PIK3R6: variants seen among roughly 807,000 people sequenced by gnomAD.
The protein encoded by PIK3R6 is phosphoinositide 3-kinase regulatory subunit 6.
Under a neutral mutation model 84.9 loss-of-function variants are expected in PIK3R6, and 91 were observed. That is an observed-to-expected ratio of 1.07 (90% CI 0.90 to 1.28). The LOEUF is 1.28. PIK3R6 is among the 50% of genes most tolerant of loss of function. The probability of loss-of-function intolerance (pLI) is 0.00; values close to 1 mark genes in which losing one functional copy is unlikely to be tolerated. For synonymous variants in PIK3R6, 416 were observed against 411.4 expected (o/e 1.01, Z -0.13); for missense variants, 996 against 985.1 (o/e 1.01, Z -0.15).
chr17:8,864,789 G>A (rs1265987482), intron 1 of PIK3R6, among the ~76,000 whole-genome samples: 1 of 151,874 alleles, frequency 6.6e-6, no homozygotes. Flanking sequence ...CACCCACCTC[G>A]GCCTCCCAAA....
chr17:8,825,330 A>G (rs949131812), intron 13 of PIK3R6, among the ~76,000 whole-genome samples: 2 of 152,218 alleles, frequency 1.3e-5, no homozygotes, highest in African/African-American at 2.4e-5. Context: ...GAAATTCTAA[A>G]GTTTATCAGG....
chr17:8,807,495 G>C (rs1018637929), intron 18 of PIK3R6, among the ~76,000 whole-genome samples: 2 of 152,176 alleles, frequency 1.3e-5, no homozygotes, highest in Admixed American at 1.3e-4. Flanking sequence ...AGGGGAGGAG[G>C]GTGGAGGATG....
chr17:8,855,504 A>G (rs978982105), intron 1 of PIK3R6, among the ~76,000 whole-genome samples: 1 of 152,234 alleles, frequency 6.6e-6, no homozygotes, highest in Non-Finnish European at 1.5e-5. Context: ...GATGAAAACC[A>G]TGAGATCTCA....
At chr17:8,840,391 T>C (rs549993418) in intron 2 of PIK3R6, among the ~76,000 whole-genome samples, 371 of 135,370 alleles carry the variant, frequency 2.7e-3, no homozygotes, top group African/African-American at 0.01. Flanking sequence ...CCTCCAAATA[T>C]GTATATGAAA....
In PIK3R6 at chr17:8,837,035, T is replaced by C. The variant is rs552271312; in HGVS notation, c.259-112A>G. 7.2e-5 allele frequency: 58 copies of C among 808,436 alleles called. 1 individual carries two copies. The highest frequency in any genetic ancestry group is 1.2e-4 in the Non-Finnish European group (58 of 501,812). 50.1% of individuals were successfully genotyped at this position (808,436 alleles called of 1,614,324 possible). On this transcript the variant is annotated intron_variant, in intron 5 of 19. Coordinates refer to ENST00000619866, the MANE Select transcript of PIK3R6 (RefSeq NM_001010855.4). ...CCGGGGAGGGGCTTGGGAGAAGAGG[T>C]GGAAGGTCAGGCCTAACAGCCAGAC...
chr17:8,803,999 C>T lies in PIK3R6; in HGVS notation c.2108+42G>A. ...GAGCTGGCTCCTGCTTCAGTTTGTC[C>T]CACGGGCCCTGGACATCTAGGGTTG... On this transcript the variant is annotated intron_variant, in intron 19 of 19. Transcript: ENST00000619866. The surrounding 1 kb of genome is among the most constrained non-coding windows in gnomAD (Gnocchi z 5.0). 6.5e-7 allele frequency: 1 copy of T among 1,542,242 alleles called. No individual in the cohort carries two copies. The highest frequency in any genetic ancestry group is 1.4e-5 in the African/African-American group (1 of 73,512).
rs1173487252 is a variant in PIK3R6, at chr17:8,850,120, A to G, written c.-91-235T>C. On this transcript the variant is annotated intron_variant, in intron 1 of 19. Coordinates refer to ENST00000619866, the MANE Select transcript of PIK3R6 (RefSeq NM_001010855.4). ...GGAGTTCGAGACCAGCCCAACAAACATGGTGAAACCCCGTCTCTACTAAAA... is the reference window on the plus strand; with the variant it reads ...GGAGTTCGAGACCAGCCCAACAAACGTGGTGAAACCCCGTCTCTACTAAAA... Among the ~76,000 whole-genome samples, 5 of 152,222 alleles carry G rather than the reference A, an allele frequency of 3.3e-5. No individual in the cohort carries two copies. In the South Asian group the frequency reaches 1.0e-3, roughly 32 times the overall value.
In PIK3R6 at chr17:8,862,734, C is replaced by G. The variant is rs770152556; in HGVS notation, c.-92+4795G>C. Among the ~76,000 whole-genome samples, 1 of 152,152 alleles carries G rather than the reference C, an allele frequency of 6.6e-6. No homozygotes were observed. The highest frequency in any genetic ancestry group is 1.5e-5 in the Non-Finnish European group (1 of 68,028). On this transcript the variant is annotated intron_variant, in intron 1 of 19. Transcript: ENST00000619866. The surrounding 1 kb of genome is among the most constrained non-coding windows in gnomAD (Gnocchi z 4.3). ...ATCTAAAAATTCCTCTCCCTCCCCC[C>G]GTAGCGCAAGAATACGACATTACAG...
intron 9 of PIK3R6, among the ~76,000 whole-genome samples, chr17:8,830,812 C>T (rs937878388): frequency 3.3e-5 from 5 of 152,194 alleles, no homozygotes; most frequent in Admixed American, 6.5e-5. Context: ...CCCCTACAGC[C>T]ACAGGGGCTT....
At chr17:8,808,856 A>G (rs771905840) in intron 18 of PIK3R6, among the ~76,000 whole-genome samples, 21 of 152,198 alleles carry the variant, frequency 1.4e-4, no homozygotes, top group Non-Finnish European at 2.8e-4. Context: ...ATGTAGAAGA[A>G]AGTCTATAAG....
intron 18 of PIK3R6, among the ~76,000 whole-genome samples, chr17:8,814,213 A>ATTTTTTTT (rs528042541): frequency 7.9e-5 from 6 of 76,400 alleles, no homozygotes; most frequent in African/African-American, 2.6e-4. Context: ...TCAGAGAGAG[A>ATTTTTTTT]TCTTTTTTTT....
chr17:8,831,244 C>T (rs926153556), intron 9 of PIK3R6, among the ~76,000 whole-genome samples: 6 of 132,934 alleles, frequency 4.5e-5, no homozygotes, highest in Admixed American at 1.7e-4. Flanking sequence ...GTGGGAGGAT[C>T]GCTTAAGCCC....
At chr17:8,810,353 A>G (rs541611887) in intron 18 of PIK3R6, among the ~76,000 whole-genome samples, 13 of 147,914 alleles carry the variant, frequency 8.8e-5, no homozygotes, top group Non-Finnish European at 1.6e-4. Flanking sequence ...GGAATGCAAG[A>G]TCAGATTTGG....
At position 8,849,897 on chromosome 17, in the gene PIK3R6, G is replaced by A; in HGVS notation, c.-91-12C>T. On this transcript the variant is annotated splice_polypyrimidine_tract_variant and intron_variant, in intron 1 of 19. Transcript: ENST00000619866. The stretch of plus-strand genomic sequence containing the variant: ...GCACAGAGGTGGTTCTGCAAAATAA[G>A]AGGTAGTTAATTAGTGGAAGCAGTG... 1 of 1,472,880 alleles carries A rather than the reference G, an allele frequency of 6.8e-7. No homozygotes were observed. 91.2% of individuals were successfully genotyped at this position (1,472,880 alleles called of 1,614,324 possible).
chr17:8,805,634 G>C (rs890545482), intron 18 of PIK3R6, among the ~76,000 whole-genome samples: 2 of 152,012 alleles, frequency 1.3e-5, no homozygotes, highest in Non-Finnish European at 2.9e-5. Flanking sequence ...GTGGCACCTT[G>C]GCCGGGCGCG....
intron 13 of PIK3R6, among the ~76,000 whole-genome samples, chr17:8,825,025 C>T (rs1277291938): frequency 6.6e-6 from 1 of 152,106 alleles, no homozygotes; most frequent in Admixed American, 6.6e-5. Flanking sequence ...GTGTATAAGT[C>T]AATAGCTTTC....
chr17:8,853,743 C>G (rs1399846336), intron 1 of PIK3R6, among the ~76,000 whole-genome samples: 1 of 151,820 alleles, frequency 6.6e-6, no homozygotes, highest in Non-Finnish European at 1.5e-5. Flanking sequence ...GGGGGCAGGT[C>G]ACGAGGCCAG....
chr17:8,826,840 A>C (rs1293086816), intron 13 of PIK3R6, among the ~76,000 whole-genome samples: 1 of 152,168 alleles, frequency 6.6e-6, no homozygotes, highest in Non-Finnish European at 1.5e-5. Flanking sequence ...GATCACAGGA[A>C]GCTCACACAA....
rs1473082695 is a variant in PIK3R6 at position 8,825,661 on chromosome 17, AAT to A, written c.1515+1509_1515+1510del. On this transcript the variant is annotated intron_variant, in intron 13 of 19. Transcript: ENST00000619866. ...CTAGCTCAACATTTGGAAAAAATAA[AAT>A]GACATACTTCACATTAAACAATAAA... Among the ~76,000 whole-genome samples the A allele has an allele frequency of 2.6e-5, 4 of 152,358 alleles. No individual in the cohort carries two copies. In the East Asian group the frequency reaches 7.7e-4, roughly 29 times the overall value.
Sources: gnomAD v4.1 joint callset for allele counts (sites outside exome capture counted in the v4.1 genomes callset) on GRCh38, gnomAD v4.1.1 for gene constraint, Gnocchi (gnomAD v3.1) non-coding constraint, MANE v1.5 for transcripts, NCBI Gene and HGNC (gene_info 2026-07-23, HGNC 2026-07-21) for gene names.